Variants in SPECC1 observed in about 807,000 individuals in gnomAD.
The protein encoded by SPECC1 is cytospin-B.
A neutral mutation model predicts 104.1 loss-of-function variants in SPECC1; 62 were observed. That is an observed-to-expected ratio of 0.60 (90% confidence interval 0.49 to 0.74). SPECC1 has a LOEUF of 0.74. Among genes scored for constraint, SPECC1 ranks in the 30% least tolerant of loss-of-function variants. The pLI is 0.00. For missense variants in SPECC1, 1,306 were observed against 1,310.5 expected, an observed-to-expected ratio of 1.00 and a Z score of 0.05; for synonymous variants, 513 against 501.6, an observed-to-expected ratio of 1.02 and a Z score of -0.30.
chr17:20,025,172 C>T (rs564527955), intron 1 of SPECC1, among the ~76,000 whole-genome samples: 6 of 152,228 alleles, frequency 3.9e-5, no homozygotes, highest in South Asian at 2.1e-4. Flanking sequence ...GATGTGAAGA[C>T]GCAGGGAGAA....
In SPECC1 at chr17:20,213,974, A is replaced by G. The variant is rs76871143; in HGVS notation, c.1863+8062A>G. Among the ~76,000 whole-genome samples, 453 of 152,284 alleles carry G rather than the reference A, an allele frequency of 3.0e-3. 18 individuals are homozygous for G. In the East Asian group the frequency reaches 0.084, roughly 28 times the overall value. On this transcript the variant is annotated intron_variant, in intron 4 of 14. Coordinates refer to ENST00000395527, the MANE Select transcript of SPECC1 (RefSeq NM_001243439.2). ...GTATTCACACAATTGTGCAACCATC[A>G]CTACAATCAATTTTAGAACATTTTT... is the stretch of plus-strand genomic sequence containing the variant.
intron 12 of SPECC1, among the ~76,000 whole-genome samples, chr17:20,263,149 G>T (rs1448495513): frequency 6.6e-6 from 1 of 151,206 alleles, no homozygotes; most frequent in East Asian, 2.0e-4. Flanking sequence ...AGGCCTCTTG[G>T]TTACAGCCTC....
At chr17:20,201,619 C>T (rs2036440371) in intron 3 of SPECC1, among the ~76,000 whole-genome samples, 1 of 152,206 alleles carries the variant, frequency 6.6e-6, no homozygotes, top group Non-Finnish European at 1.5e-5. Flanking sequence ...CTTTAGTTAT[C>T]TTCCAGTTTT....
intron 12 of SPECC1, among the ~76,000 whole-genome samples, chr17:20,261,333 T>C (rs1466527843): frequency 6.6e-6 from 1 of 151,836 alleles, no homozygotes; most frequent in African/African-American, 2.4e-5. Context: ...AAACCCCATC[T>C]CTACTAAAAA....
intron 3 of SPECC1, among the ~76,000 whole-genome samples, chr17:20,148,844 C>T (rs976688396): frequency 3.3e-5 from 5 of 152,032 alleles, no homozygotes; most frequent in South Asian, 2.1e-4. Context: ...CTCAGGCTCC[C>T]GAGTAGCCGA....
At chr17:20,053,650 T>C (rs2045857117) in intron 1 of SPECC1, among the ~76,000 whole-genome samples, 1 of 152,216 alleles carries the variant, frequency 6.6e-6, no homozygotes, top group Admixed American at 6.5e-5. Context: ...GAGGCTCACT[T>C]GGCAATGAAT....
intron 2 of SPECC1, among the ~76,000 whole-genome samples, chr17:20,098,003 T>C (rs9944451): frequency 0.5 from 75,716 of 152,020 alleles, 19,383 homozygotes; most frequent in Middle Eastern, 0.61. Context: ...CTGTCCCCAT[T>C]GAGAACCATT....
At chr17:20,192,027 C>G (rs1381536168) in intron 3 of SPECC1, among the ~76,000 whole-genome samples, 1 of 152,094 alleles carries the variant, frequency 6.6e-6, no homozygotes, top group African/African-American at 2.4e-5. Flanking sequence ...GCCTTCACCT[C>G]CTGGGCTCAA....
intron 3 of SPECC1, among the ~76,000 whole-genome samples, chr17:20,197,726 T>C (rs2703802): frequency 0.71 from 107,734 of 152,048 alleles, 39,969 homozygotes; most frequent in East Asian, 0.99. Flanking sequence ...GTTTCAGGGA[T>C]CTGTAGCCAA....
chr17:20,073,040 TC>T (rs1219202995), intron 1 of SPECC1, among the ~76,000 whole-genome samples: 1 of 152,006 alleles, frequency 6.6e-6, no homozygotes, highest in Non-Finnish European at 1.5e-5. Flanking sequence ...ATTTTGGAGC[TC>T]CCTGAATTCA....
chr17:20,030,024 T>C (rs1056199308), intron 1 of SPECC1, among the ~76,000 whole-genome samples: 3 of 152,190 alleles, frequency 2.0e-5, no homozygotes, highest in African/African-American at 7.2e-5. Context: ...GGAGGATTCT[T>C]TCCTAGAGCC....
In SPECC1 at chr17:20,226,277, AGT is replaced by A. The variant is rs560966200; in HGVS notation, c.1864-1132_1864-1131del. 6.8e-3 allele frequency among the ~76,000 whole-genome samples: 1,030 copies of A among 152,352 alleles called. 11 individuals are homozygous for A. Among genetic ancestry groups the A allele is most frequent in the African/African-American group, 0.024 (981 of 41,576 alleles). The stretch of plus-strand genomic sequence containing the variant: ...GTAATGACTTAGCATGATGTGTATC[AGT>A]GTGGATACATTTCAAAAACACAGTT... On this transcript the variant is annotated intron_variant, in intron 4 of 14. Coordinates refer to ENST00000395527, the MANE Select transcript of SPECC1 (RefSeq NM_001243439.2).
intron 10 of SPECC1, among the ~76,000 whole-genome samples, chr17:20,254,809 C>G (rs1217914163): frequency 6.6e-6 from 1 of 151,964 alleles, no homozygotes; most frequent in Admixed American, 6.5e-5. Flanking sequence ...TCCTTTAGAT[C>G]TTGGTCAAAC....
chr17:20,238,125 G>T, intron 7 of SPECC1: 1 of 1,029,548 alleles, frequency 9.7e-7, no homozygotes, highest in Non-Finnish European at 1.2e-6. Flanking sequence ...CCAAGCTTTG[G>T]GTTGATTTCC....
chr17:20,074,633 A>G (rs887538240), intron 1 of SPECC1, among the ~76,000 whole-genome samples: 4 of 151,336 alleles, frequency 2.6e-5, no homozygotes, highest in Non-Finnish European at 5.9e-5. Flanking sequence ...TAGCTGCAGA[A>G]CTCACTGGTG....
chr17:20,303,902 G>A lies in SPECC1; in HGVS notation c.3058-2121G>A, dbSNP rs574337602. On this transcript the variant is annotated intron_variant, in intron 13 of 14. Transcript: ENST00000395527. ...CAAGAGGCAGAGGTGGCAGTGAGCC[G>A]AGATCGTGCCACTGCACTCCAGCCT... is the stretch of plus-strand genomic sequence containing the variant. 1.6e-4 allele frequency among the ~76,000 whole-genome samples: 25 copies of A among 151,950 alleles called. No homozygotes were observed. In the South Asian group the frequency reaches 3.1e-3, roughly 19 times the overall value.
chr17:20,210,540 T>A (rs968758492), intron 4 of SPECC1, among the ~76,000 whole-genome samples: 10 of 152,204 alleles, frequency 6.6e-5, no homozygotes, highest in African/African-American at 2.4e-4. Flanking sequence ...ATCTGATTGG[T>A]GAGAACTGCG....
chr17:20,184,945 T>A (rs976258097), intron 3 of SPECC1: 3 of 152,258 alleles, frequency 2.0e-5, no homozygotes, highest in African/African-American at 7.2e-5. Context: ...CAGGATCAGC[T>A]GGCCTGAGAA....
intron 1 of SPECC1, among the ~76,000 whole-genome samples, chr17:20,013,604 C>T (rs143588999): frequency 6.2e-4 from 95 of 152,268 alleles, no homozygotes; most frequent in African/African-American, 2.1e-3. Context: ...CGGGTTCAAA[C>T]GATTCTCCCA....
Sources: gnomAD v4.1 joint callset for allele counts (sites outside exome capture counted in the v4.1 genomes callset) on GRCh38, gnomAD v4.1.1 for gene constraint, MANE v1.5 for transcripts, NCBI Gene and HGNC (gene_info 2026-07-23, HGNC 2026-07-21) for gene names.